MYLK: variants seen among roughly 807,000 people sequenced by gnomAD.
The protein encoded by MYLK is myosin light chain kinase.
MYLK carries 106 observed loss-of-function variants against 203.4 expected under a neutral mutation model. The observed-to-expected ratio is 0.52, with a 90% CI of 0.45 to 0.61. The LOEUF is 0.61. Ranked by LOEUF, MYLK falls within the 20% of genes least tolerant of loss-of-function variation. The pLI, the probability that MYLK is intolerant of heterozygous loss-of-function variation, is 0.00. For missense variants in MYLK, 2,072 were observed against 2,442.3 expected, an observed-to-expected ratio of 0.85 and a Z score of 3.20; for synonymous variants, 867 against 959.5, an observed-to-expected ratio of 0.90 and a Z score of 1.78.
chr3:123,853,090 C>T (rs561444553), intron 2 of MYLK, among the ~76,000 whole-genome samples: 1 of 151,822 alleles, frequency 6.6e-6, no homozygotes, highest in East Asian at 1.9e-4. Flanking sequence ...AAGGGCCTGA[C>T]AGAAGCCTAA....
chr3:123,789,441 A>C (rs953226742), intron 4 of MYLK, among the ~76,000 whole-genome samples: 3 of 151,960 alleles, frequency 2.0e-5, no homozygotes, highest in African/African-American at 7.3e-5. Context: ...GGTGCCCAGC[A>C]CATGGGGGAG....
At chr3:123,672,094 T>C (rs745636205) in intron 20 of MYLK, among the ~76,000 whole-genome samples, 4 of 151,866 alleles carry the variant, frequency 2.6e-5, no homozygotes, top group South Asian at 2.1e-4. Flanking sequence ...TATTTAGAAA[T>C]AGGGCCTTCA....
At chr3:123,850,757 C>A (rs1251161625) in intron 2 of MYLK, among the ~76,000 whole-genome samples, 3 of 152,152 alleles carry the variant, frequency 2.0e-5, no homozygotes, top group Admixed American at 6.5e-5. Context: ...AATTAGATCC[C>A]ATTTGTCAAT....
intron 20 of MYLK, among the ~76,000 whole-genome samples, chr3:123,674,807 C>T (rs191210986): frequency 3.3e-4 from 51 of 152,356 alleles, no homozygotes; most frequent in Non-Finnish European, 4.7e-4. Flanking sequence ...TTGGGCAGGT[C>T]GCCCCAGCTC....
In MYLK at chr3:123,638,065, A is replaced by G; in HGVS notation, c.4961+6T>C. On this transcript the variant is annotated splice_donor_region_variant and intron_variant, in intron 29 of 33. Coordinates refer to ENST00000360304, the MANE Select transcript of MYLK (RefSeq NM_053025.4). ...CCACCAGTCCACCAAGTGCCCCAGG[A>G]CTCACAGGATGTAGCAGATGACCCC... is the stretch of plus-strand genomic sequence containing the variant. The G allele has an allele frequency of 6.2e-7, 1 of 1,613,866 alleles. No homozygotes were observed. The highest frequency in any genetic ancestry group is 2.2e-5 in the East Asian group (1 of 44,862).
At chr3:123,801,552 T>C (rs889103778) in intron 3 of MYLK, among the ~76,000 whole-genome samples, 8 of 152,174 alleles carry the variant, frequency 5.3e-5, no homozygotes, top group Admixed American at 3.9e-4. Context: ...ACCCAACAGA[T>C]AGTTTTTCAG....
At chr3:123,669,110 C>T (rs1330179575) in intron 20 of MYLK, among the ~76,000 whole-genome samples, 1 of 152,220 alleles carries the variant, frequency 6.6e-6, no homozygotes, top group Non-Finnish European at 1.5e-5. Context: ...CGTGCTGCTG[C>T]CCAGTGAATG....
intron 20 of MYLK, among the ~76,000 whole-genome samples, chr3:123,680,652 G>A (rs192886858): frequency 6.6e-6 from 1 of 152,334 alleles, no homozygotes. Flanking sequence ...TGAAGGCTGA[G>A]TTCCCCCAAC....
In MYLK at chr3:123,705,157, C is replaced by A. The variant is rs1285996260; in HGVS notation, c.2390+2597G>T. ...GCACACCGGACCCCCGGCTTCCTCC[C>A]AGCCATCCAGTCATTCCCCTCGAAA... On this transcript the variant is annotated intron_variant, in intron 16 of 33. Transcript: ENST00000360304. 2.9e-5 allele frequency among the ~76,000 whole-genome samples: 4 copies of A among 140,326 alleles called. No individual in the cohort carries two copies. The East Asian group carries it at 5.8e-4, about 20-fold the overall frequency. The allele number at this position is 140,326 out of a possible 152,430, so 92.1% of individuals were successfully genotyped here. A position where few individuals can be genotyped will look rare whatever the true frequency, so the allele number is the denominator to read the frequency against.
intron 20 of MYLK, among the ~76,000 whole-genome samples, chr3:123,671,186 T>G (rs2108373827): frequency 6.6e-6 from 1 of 152,386 alleles, no homozygotes; most frequent in Middle Eastern, 3.4e-3. Context: ...AAAGTCATAT[T>G]GAAGGAATAT....
chr3:123,769,361 T>C (rs1418321661), intron 4 of MYLK, among the ~76,000 whole-genome samples: 1 of 152,218 alleles, frequency 6.6e-6, no homozygotes, highest in Non-Finnish European at 1.5e-5. Flanking sequence ...TGACAGCCCT[T>C]ATGCCAGTAA....
intron 27 of MYLK, among the ~76,000 whole-genome samples, chr3:123,645,008 A>G (rs576370633): frequency 2.6e-5 from 4 of 152,322 alleles, no homozygotes; most frequent in Admixed American, 2.6e-4. Context: ...CTTCCTGAAT[A>G]CTAGGGAGGA....
rs2059732577 is a variant in MYLK, at chr3:123,666,320, G to A, written c.3730C>T (p.Pro1244Ser). 6.2e-7 allele frequency: 1 copy of A among 1,614,192 alleles called. No homozygotes were observed. Among genetic ancestry groups the A allele is most frequent in the Non-Finnish European group, 8.5e-7 (1 of 1,180,032 alleles). The change falls in exon 22 of 34, where the codon CCT becomes TCT. Residue 1244 changes from proline (P) to serine (S), a missense_variant. Pro to Ser is a moderately conservative substitution (Grantham distance 74, BLOSUM62 -1). Transcript: ENST00000360304. ...CCTGCGCGTACCTTCTGGTCCTCAG[G>A]GAACTGGATGATCTGAGGGGGCATT... is the stretch of plus-strand genomic sequence containing the variant. Reference protein sequence around the residue: ...AAMPPQIIQFPEDQKVRAGES... With the variant: ...AAMPPQIIQFSEDQKVRAGES...
chr3:123,679,084 G>A (rs1227347689), intron 20 of MYLK, among the ~76,000 whole-genome samples: 1 of 152,054 alleles, frequency 6.6e-6, no homozygotes, highest in African/African-American at 2.4e-5. Flanking sequence ...TGAGGCGGGC[G>A]GATCACGAGG....
rs1488497870 is a variant in MYLK, at chr3:123,752,521, C to T, written c.183G>A (p.Glu61=). ...CGTTTCTGTGCCATGTCACCTGGGG[C>T]TCTGGGTAACCCCGGACCTTCAAGA... ...KFEGRVRGYP[E]PQVTWHRNGQ... is the part of the protein sequence containing the mutation. Residue 61 remains glutamate, a synonymous_variant, in exon 5 of 34, where the codon GAG becomes GAA. Coordinates refer to ENST00000360304, the MANE Select transcript of MYLK (RefSeq NM_053025.4). 4 of 1,613,566 alleles carry T rather than the reference C, an allele frequency of 2.5e-6. No homozygotes were observed. Among genetic ancestry groups the T allele is most frequent in the Non-Finnish European group, 3.4e-6 (4 of 1,179,966 alleles).
rs1182018275 is a variant in MYLK at position 123,754,350 on chromosome 3, T to C, written c.166-1812A>G. ...CCACTAATTTGTGGTCAAGCTTCAG[T>C]GAAAAAGAAACAACAATAAAACTCC... On this transcript the variant is annotated intron_variant, in intron 4 of 33. Transcript: ENST00000360304. Among the ~76,000 whole-genome samples, 4 of 152,194 alleles carry C rather than the reference T, an allele frequency of 2.6e-5. 1 individual carries two copies. The highest frequency in any genetic ancestry group is 9.7e-5 in the African/African-American group (4 of 41,436).
At chr3:123,625,139 T>G (rs985743236) in intron 31 of MYLK, 2 of 152,254 alleles carry the variant, frequency 1.3e-5, no homozygotes, top group Non-Finnish European at 2.9e-5. Flanking sequence ...TGCAGTCCTC[T>G]TCTCTGTATT....
chr3:123,642,282 TC>T lies in MYLK; in HGVS notation c.4620-1779del, dbSNP rs554259811. Among the ~76,000 whole-genome samples the T allele has an allele frequency of 2.0e-3, 311 of 152,320 alleles. No homozygotes were observed. Among genetic ancestry groups the T allele is most frequent in the African/African-American group, 6.9e-3 (286 of 41,588 alleles). ...TTCTGAGTCCCAGTTTCCTTATCTA[TC>T]CCTGCCTCATAGAGTTTTTAGGAAT... On this transcript the variant is annotated intron_variant, in intron 27 of 33. Transcript: ENST00000360304. This position sits in a 1 kb window ranked among gnomAD's most constrained non-coding sequence, Gnocchi z 4.2.
At position 123,648,658 on chromosome 3, in the gene MYLK, C is replaced by A. The variant is rs1227666087; in HGVS notation, c.4415+313G>T. On this transcript the variant is annotated intron_variant, in intron 26 of 33. Transcript: ENST00000360304. The surrounding 1 kb of genome is among the most constrained non-coding windows in gnomAD (Gnocchi z 4.5). ...GCACCCCCTGCTCTCCCCTGACAGG[C>A]CCCAGTGAGTGTTATTCCCCTCCCT... is the stretch of plus-strand genomic sequence containing the variant. 6.6e-6 allele frequency among the ~76,000 whole-genome samples: 1 copy of A among 152,064 alleles called. No individual in the cohort carries two copies. The highest frequency in any genetic ancestry group is 1.5e-5 in the Non-Finnish European group (1 of 67,996).
Sources: allele counts gnomAD v4.1 joint callset (sites outside exome capture counted in the v4.1 genomes callset), GRCh38; gene constraint gnomAD v4.1.1; non-coding constraint Gnocchi (gnomAD v3.1); transcripts MANE v1.5; gene names NCBI Gene and HGNC (gene_info 2026-07-23, HGNC 2026-07-21).